The following DACH2 variants were observed in gnomAD, a reference collection of about 807,000 sequenced individuals.
The protein encoded by DACH2 is dachshund homolog 2.
Under a neutral mutation model 35.8 loss-of-function variants are expected in DACH2, and 17 were observed. That is an observed-to-expected ratio of 0.48 (90% CI 0.33 to 0.71). The LOEUF (loss-of-function observed/expected upper bound fraction) is 0.71, where lower values mean the gene tolerates loss of function less well. Among genes scored for constraint, DACH2 ranks in the 30% least tolerant of loss-of-function variants. DACH2 has a pLI of 0.02. For synonymous variants in DACH2, 195 were observed against 177.3 expected (o/e 1.10, Z -0.79); for missense variants, 469 against 472.7 (o/e 0.99, Z 0.07).
At chrX:86,543,941 T>A (rs1416188910) in intron 3 of DACH2, among the ~76,000 whole-genome samples, 1 of 109,024 alleles carries the variant, frequency 9.2e-6, no homozygotes, top group East Asian at 3.0e-4. Context: ...CATATGTAAC[T>A]AACCTGCACA....
intron 2 of DACH2, among the ~76,000 whole-genome samples, chrX:86,396,329 T>G (rs866825946): frequency 5.2e-5 from 5 of 96,992 alleles, no homozygotes; most frequent in South Asian, 5.3e-4. Flanking sequence ...TTTCTCCCAT[T>G]TTGTAGGTTG....
intron 3 of DACH2, among the ~76,000 whole-genome samples, chrX:86,573,111 A>G (rs58669713): frequency 1.3e-3 from 149 of 111,101 alleles, no homozygotes; most frequent in African/African-American, 4.6e-3. Context: ...GAATGAAAGA[A>G]GCAAAGGAAA....
intron 5 of DACH2, among the ~76,000 whole-genome samples, chrX:86,695,895 T>C (rs1022418908): frequency 2.7e-5 from 3 of 111,224 alleles, no homozygotes; most frequent in Admixed American, 9.6e-5. Flanking sequence ...AACTATAGAC[T>C]GTGGATAAAA....
chrX:86,681,578 T>C lies in DACH2; in HGVS notation c.773-13443T>C, dbSNP rs765653250. 1.2e-4 allele frequency among the ~76,000 whole-genome samples: 12 copies of C among 99,103 alleles called. No individual in the cohort carries two copies. The East Asian group carries it at 3.4e-3, about 28-fold the overall frequency. 86.1% of individuals were successfully genotyped at this position (99,103 alleles called of 115,157 possible). ...CTGGGTGACAGAGTGAGACCCTCTC[T>C]CTCTCTCTCTTTCTCCCTCTCTCTC... On this transcript the variant is annotated intron_variant, in intron 4 of 11. Transcript: ENST00000373125.
intron 5 of DACH2, among the ~76,000 whole-genome samples, chrX:86,714,097 T>TAGAG (rs2041308942): frequency 8.9e-6 from 1 of 111,875 alleles, no homozygotes; most frequent in Admixed American, 9.6e-5. Context: ...TTCTGAAGCT[T>TAGAG]AGAGAATCTA....
chrX:86,160,452 C>T, intron 1 of DACH2: 1 of 534,123 alleles, frequency 1.9e-6, no homozygotes, highest in Non-Finnish European at 3.4e-6. Flanking sequence ...AATTTAGAGC[C>T]ATCTTCCAGC....
chrX:86,287,682 G>A lies in DACH2; in HGVS notation c.489-89142G>A, dbSNP rs184402029. ...TTGATTCTACTTTTAAGACTCTAAT[G>A]CATTCTTCAGTGTGCCAATTACATT... is the stretch of plus-strand genomic sequence containing the variant. On this transcript the variant is annotated intron_variant, in intron 1 of 11. Coordinates refer to ENST00000373125, the MANE Select transcript of DACH2 (RefSeq NM_053281.3). 3.6e-5 allele frequency among the ~76,000 whole-genome samples: 4 copies of A among 111,778 alleles called. No individual in the cohort carries two copies. The Admixed American group carries it at 3.8e-4, about 11-fold the overall frequency.
intron 1 of DACH2, among the ~76,000 whole-genome samples, chrX:86,198,692 A>G (rs1157445780): frequency 9.0e-6 from 1 of 111,516 alleles, no homozygotes; most frequent in Non-Finnish European, 1.9e-5. Flanking sequence ...CTGGAAAAAT[A>G]CACTCTCTCA....
chrX:86,815,268 A>G (rs144338120), intron 10 of DACH2, among the ~76,000 whole-genome samples: 66 of 111,582 alleles, frequency 5.9e-4, no homozygotes, highest in African/African-American at 2.1e-3. Context: ...ACCAGGTTGA[A>G]AAAACATGTT....
At chrX:86,532,084 A>T (rs2038729538) in intron 3 of DACH2, among the ~76,000 whole-genome samples, 1 of 112,876 alleles carries the variant, frequency 8.9e-6, no homozygotes, top group African/African-American at 3.2e-5. Context: ...TTGGAGTGGG[A>T]ACATTCAAGC....
chrX:86,399,920 G>A (rs943472498), intron 2 of DACH2, among the ~76,000 whole-genome samples: 5 of 111,531 alleles, frequency 4.5e-5, no homozygotes, highest in Admixed American at 9.6e-5. Flanking sequence ...GAATTTGAGT[G>A]TTGGCCTGCC....
At chrX:86,480,772 G>A (rs919404101) in intron 2 of DACH2, among the ~76,000 whole-genome samples, 46 of 111,969 alleles carry the variant, frequency 4.1e-4, no homozygotes, top group African/African-American at 1.5e-3. Flanking sequence ...TTCCACTAAT[G>A]TTACTATGTT....
chrX:86,262,703 C>T (rs6653101), intron 1 of DACH2, among the ~76,000 whole-genome samples: 23,772 of 110,444 alleles, frequency 0.22, 2,119 homozygotes, highest in East Asian at 0.37. Context: ...GAATTACTTA[C>T]AGTTTATCTT....
chrX:86,289,201 G>C (rs1401574414), intron 1 of DACH2, among the ~76,000 whole-genome samples: 1 of 107,798 alleles, frequency 9.3e-6, no homozygotes, highest in Admixed American at 1.0e-4. Context: ...CCTGGAAAGG[G>C]TGCCTCATGA....
At chrX:86,475,684 T>C (rs1380111591) in intron 2 of DACH2, among the ~76,000 whole-genome samples, 1 of 111,946 alleles carries the variant, frequency 8.9e-6, no homozygotes, top group African/African-American at 3.2e-5. Flanking sequence ...TTTCTTTGTC[T>C]TGTCTCTTCA....
chrX:86,295,647 C>T (rs2034435879), intron 1 of DACH2, among the ~76,000 whole-genome samples: 1 of 111,016 alleles, frequency 9.0e-6, no homozygotes, highest in Admixed American at 9.6e-5. Context: ...ATGCTCTCTC[C>T]TTGGTCGGAC....
intron 1 of DACH2, among the ~76,000 whole-genome samples, chrX:86,294,109 G>A (rs2034381642): frequency 9.0e-6 from 1 of 111,289 alleles, no homozygotes; most frequent in East Asian, 2.8e-4. Context: ...ATTTCTTGGA[G>A]GCTTTGCTCG....
chrX:86,566,326 A>G (rs761149964), intron 3 of DACH2, among the ~76,000 whole-genome samples: 1 of 111,312 alleles, frequency 9.0e-6, no homozygotes, highest in Non-Finnish European at 1.9e-5. Flanking sequence ...ATTCCCCATT[A>G]TTGCCTGTAA....
intron 3 of DACH2, among the ~76,000 whole-genome samples, chrX:86,641,460 G>A (rs1402339629): frequency 1.8e-5 from 2 of 112,137 alleles, no homozygotes; most frequent in Non-Finnish European, 3.8e-5. Context: ...ATTATGTAAA[G>A]AGGCAAAATC....
Sources: allele counts gnomAD v4.1 joint callset (sites outside exome capture counted in the v4.1 genomes callset), GRCh38; gene constraint gnomAD v4.1.1; transcripts MANE v1.5; gene names NCBI Gene and HGNC (gene_info 2026-07-23, HGNC 2026-07-21).